Variants in CD302 observed in about 807,000 individuals in gnomAD.
CD302 encodes CD302 molecule, also known as CD302 antigen.
A neutral mutation model predicts 26.5 loss-of-function variants in CD302; 23 were observed. That is an observed-to-expected ratio of 0.87 (90% CI 0.62 to 1.23). CD302 has a LOEUF of 1.23. Among genes scored for constraint, CD302 ranks in the 50% most tolerant of loss-of-function variants. The probability of loss-of-function intolerance (pLI) is 0.00; values close to 1 mark genes in which losing one functional copy is unlikely to be tolerated. For missense variants in CD302, 290 were observed against 275.5 expected (o/e 1.05, Z -0.37); for synonymous variants, 90 against 99.4 (o/e 0.91, Z 0.56).
chr2:159,790,826 T>G (rs971827724), intron 1 of CD302, among the ~76,000 whole-genome samples: 6 of 152,204 alleles, frequency 3.9e-5, no homozygotes, highest in Non-Finnish European at 7.3e-5. Flanking sequence ...TGTTTTCTAC[T>G]TATAACAAAT....
intron 3 of CD302, among the ~76,000 whole-genome samples, 162 bp downstream of exon 3, chr2:159,780,720 T>C (rs192095194): frequency 1.5e-4 from 23 of 152,294 alleles, no homozygotes; most frequent in Non-Finnish European, 3.1e-4. Flanking sequence ...CATTGAGCTA[T>C]GCAGATACAA....
rs773656295 is a variant in CD302 at position 159,771,856 on chromosome 2, C to G, written c.694G>C (p.Asp232His). 59 of 1,613,370 alleles carry G rather than the reference C, an allele frequency of 3.7e-5. No homozygotes were observed. Among genetic ancestry groups the G allele is most frequent in the Admixed American group, 6.7e-5 (4 of 59,986 alleles). ...AGTGCAAGATTACCAAAAACTTAGT[C>G]AAATTGAACAGGATATTCATTTTCT... ...GEENEYPVQF[D>H] The change falls in exon 6 of 6, where the codon GAC (aspartate) becomes CAC (histidine). Residue 232 changes from aspartate (D) to histidine (H), a missense_variant. Physicochemically the swap from Asp to His is moderately conservative, Grantham distance 81. Transcript: ENST00000259053.
chr2:159,774,797 T>C (rs1476020070), intron 5 of CD302, among the ~76,000 whole-genome samples: 1 of 152,210 alleles, frequency 6.6e-6, no homozygotes, highest in Non-Finnish European at 1.5e-5. Flanking sequence ...GAAAGTATTC[T>C]TCCCAAGGGA....
rs1708388208 is a variant in CD302 at position 159,777,959 on chromosome 2, A to G, written c.475T>C (p.Tyr159His). Residue 159 changes from tyrosine (Y) to histidine (H), a missense_variant, in exon 5 of 6, where the codon TAC becomes CAC. By Grantham distance (83) the Tyr-to-His change is moderately conservative (BLOSUM62 2). Coordinates refer to ENST00000259053, the MANE Select transcript of CD302 (RefSeq NM_014880.5). ...EGTLCKTAIP[Y>H]KRKYLSDNHI... ...TTACCTGATAAATATTTCCTTTTGT[A>G]TGGGACTAAAATACAAAAGAAAATA... 1.0e-6 allele frequency: 1 copy of G among 994,652 alleles called. No homozygotes were observed. Among genetic ancestry groups the G allele is most frequent in the South Asian group, 1.5e-5 (1 of 65,864 alleles). The allele number at this position is 994,652 out of a possible 1,614,324, so 61.6% of individuals were successfully genotyped here.
At chr2:159,780,360 T>G (rs747239894) in intron 3 of CD302, among the ~76,000 whole-genome samples, 182 bp from the exon 4 acceptor site, 1 of 152,124 alleles carries the variant, frequency 6.6e-6, no homozygotes, top group Non-Finnish European at 1.5e-5. Flanking sequence ...AGCTATCGAT[T>G]TAAGAGGTTT....
rs898443002 is a variant in CD302, at chr2:159,770,106, T to G, written c.*1745A>C. 5 of 144,106 alleles carry G rather than the reference T, an allele frequency of 3.5e-5. No homozygotes were observed. Among genetic ancestry groups the G allele is most frequent in the Non-Finnish European group, 7.5e-5 (5 of 66,604 alleles). The allele number at this position is 144,106 out of a possible 1,614,324, so 8.9% of individuals were successfully genotyped here. A position where few individuals can be genotyped will look rare whatever the true frequency, so the allele number is the denominator to read the frequency against. ...TTTAAGAACTCCTTTAGAACTCTTT[T>G]AGTTCACATAATACGCCATATTTTT... On this transcript the variant is annotated 3_prime_UTR_variant, in exon 6 of 6. Transcript: ENST00000259053.
intron 5 of CD302, 91 bp downstream of exon 5, chr2:159,777,847 T>G: frequency 1.6e-6 from 1 of 632,984 alleles, no homozygotes; most frequent in Non-Finnish European, 2.5e-6. Context: ...TTACATAATT[T>G]TAAAAAGGGA....
intron 5 of CD302, among the ~76,000 whole-genome samples, 183 bp from the exon 6 acceptor site, chr2:159,772,236 A>G (rs1266515813): frequency 6.6e-6 from 1 of 152,154 alleles, no homozygotes; most frequent in African/African-American, 2.4e-5. Flanking sequence ...TAGCCTGAAG[A>G]ATAGTACTCA....
rs139211244 is a variant in CD302, at chr2:159,782,813, A to G, written c.178+546T>C. ...GAACACTGAGTGTATGGTCTAGCAA[A>G]TAGCCTTTTTATAATTTTTCCTTAA... On this transcript the variant is annotated intron_variant, in intron 2 of 5. Transcript: ENST00000259053. 3.0e-4 allele frequency among the ~76,000 whole-genome samples: 45 copies of G among 152,230 alleles called. No individual in the cohort carries two copies. The East Asian group carries it at 8.1e-3, about 27-fold the overall frequency.
intron 5 of CD302, among the ~76,000 whole-genome samples, chr2:159,773,813 T>C (rs1042059790): frequency 6.6e-6 from 1 of 152,198 alleles, no homozygotes; most frequent in Non-Finnish European, 1.5e-5. Flanking sequence ...GAAAGGTCCA[T>C]TGCTTGCTTG....
rs1379574473 is a variant in CD302 at position 159,768,631 on chromosome 2, A to T, written c.*3220T>A. The T allele has an allele frequency of 6.6e-6, 1 of 152,626 alleles. No homozygotes were observed. The allele number at this position is 152,626 out of a possible 1,614,324, so 9.5% of individuals were successfully genotyped here. ...GTGCTCAAAGAAGACATCAGACTTC[A>T]TAACCAAGAATTTTATTACAATTTC... is the stretch of plus-strand genomic sequence containing the variant. On this transcript the variant is annotated 3_prime_UTR_variant, in exon 6 of 6. Transcript: ENST00000259053.
In CD302 at chr2:159,798,187, G is replaced by T; in HGVS notation, c.12C>A (p.Ala4=). 4 of 1,471,916 alleles carry T rather than the reference G, an allele frequency of 2.7e-6. No homozygotes were observed. Among genetic ancestry groups the T allele is most frequent in the Non-Finnish European group, 3.6e-6 (4 of 1,116,832 alleles). 91.2% of individuals were successfully genotyped at this position (1,471,916 alleles called of 1,614,324 possible). Residue 4 remains alanine, a synonymous_variant, in exon 1 of 6, where the codon GCC becomes GCA. Coordinates refer to ENST00000259053, the MANE Select transcript of CD302 (RefSeq NM_014880.5). Reference sequence around the variant, plus strand: ...ACGGCAGCAGGAGCGCGGGCAGCGCGGCCCGGAGCATGACGGCGGGTGCGG... The same window carrying T: ...ACGGCAGCAGGAGCGCGGGCAGCGCTGCCCGGAGCATGACGGCGGGTGCGG... MLR[A]ALPALLLPLL...
intron 2 of CD302, among the ~76,000 whole-genome samples, chr2:159,782,337 CG>C (rs1200120599): frequency 7.2e-6 from 1 of 138,690 alleles, no homozygotes; most frequent in Non-Finnish European, 1.5e-5. Flanking sequence ...GGCGTGAACC[CG>C]GGAGGCGCAG....
intron 1 of CD302, among the ~76,000 whole-genome samples, chr2:159,792,663 T>G (rs566832524): frequency 6.6e-6 from 1 of 152,246 alleles, no homozygotes; most frequent in South Asian, 2.1e-4. Flanking sequence ...CAACTTACGA[T>G]TTTTTGACTT....
Position 159,768,778 on chromosome 2 carries a change from T to C in CD302, c.*3073A>G, listed in dbSNP as rs1043034817. The C allele has an allele frequency of 2.0e-5, 3 of 152,222 alleles. No individual in the cohort carries two copies. The highest frequency in any genetic ancestry group is 6.5e-5 in the Admixed American group (1 of 15,274). The allele number at this position is 152,222 out of a possible 1,614,324, so 9.4% of individuals were successfully genotyped here. A position where few individuals can be genotyped will look rare whatever the true frequency, so the allele number is the denominator to read the frequency against. ...ATTTAAGGGTGGTAGTTTTAATATATTCTGTGGGTCCTAAGGGATGCTTTG... is the reference window on the plus strand; with the variant it reads ...ATTTAAGGGTGGTAGTTTTAATATACTCTGTGGGTCCTAAGGGATGCTTTG... On this transcript the variant is annotated 3_prime_UTR_variant, in exon 6 of 6. Coordinates refer to ENST00000259053, the MANE Select transcript of CD302 (RefSeq NM_014880.5).
intron 1 of CD302, among the ~76,000 whole-genome samples, chr2:159,797,491 G>A (rs1349381485): frequency 6.6e-6 from 1 of 152,182 alleles, no homozygotes; most frequent in Non-Finnish European, 1.5e-5. Context: ...TCACGTGTGT[G>A]ATTTTTCAGA....
chr2:159,784,965 G>A (rs1002722508), intron 1 of CD302, among the ~76,000 whole-genome samples: 6 of 136,752 alleles, frequency 4.4e-5, no homozygotes, highest in African/African-American at 1.1e-4. Context: ...CCCTGTATCC[G>A]TACAGACTTT....
chr2:159,770,202 A>G lies in CD302; in HGVS notation c.*1649T>C. On this transcript the variant is annotated 3_prime_UTR_variant, in exon 6 of 6. Coordinates refer to ENST00000259053, the MANE Select transcript of CD302 (RefSeq NM_014880.5). ...GAAAACCAGGCAGGAATTCCAGGGT[A>G]GTGTTCAATATTGACATTAGTAATA... is the stretch of plus-strand genomic sequence containing the variant. 1 of 152,182 alleles carries G rather than the reference A, an allele frequency of 6.6e-6. No individual in the cohort carries two copies. The highest frequency in any genetic ancestry group is 1.9e-4 in the East Asian group (1 of 5,196). The allele number at this position is 152,182 out of a possible 1,614,324, so 9.4% of individuals were successfully genotyped here. A position where few individuals can be genotyped will look rare whatever the true frequency, so the allele number is the denominator to read the frequency against.
At chr2:159,794,098 A>C (rs1331417093) in intron 1 of CD302, among the ~76,000 whole-genome samples, 1 of 25,252 alleles carries the variant, frequency 4.0e-5, no homozygotes, top group Admixed American at 6.7e-4. Context: ...CCACCTCTAC[A>C]AAAAAAAAAA....
Sources: gnomAD v4.1 joint callset for allele counts (sites outside exome capture counted in the v4.1 genomes callset) on GRCh38, gnomAD v4.1.1 for gene constraint, MANE v1.5 for transcripts, NCBI Gene and HGNC (gene_info 2026-07-23, HGNC 2026-07-21) for gene names.